The following GABPB2 variants were observed in gnomAD, a reference collection of about 807,000 sequenced individuals.
GABPB2 encodes the protein GA-binding protein subunit beta-2.
In GABPB2, 23 loss-of-function variants were observed where a neutral mutation model predicts 39.1. That is an observed-to-expected ratio of 0.59 (90% CI 0.42 to 0.83). GABPB2 has a LOEUF of 0.83. Ranked by LOEUF, GABPB2 falls within the 40% of genes least tolerant of loss-of-function variation. The pLI is 0.00. For synonymous variants in GABPB2, 184 were observed against 199.3 expected (o/e 0.92, Z 0.65); for missense variants, 467 against 541.1 (o/e 0.86, Z 1.36).
At chr1:151,073,979 C>A (rs961550856) in intron 1 of GABPB2, among the ~76,000 whole-genome samples, 2 of 129,050 alleles carry the variant, frequency 1.5e-5, no homozygotes, top group African/African-American at 5.7e-5. Context: ...ATGGTTATTT[C>A]TTTTTTTTTT....
chr1:151,100,116 T>C (rs2101526394), intron 5 of GABPB2, among the ~76,000 whole-genome samples: 2 of 152,256 alleles, frequency 1.3e-5, no homozygotes, highest in South Asian at 4.1e-4. Flanking sequence ...TGTATTCATA[T>C]TGGTTCAGTC....
intron 5 of GABPB2, among the ~76,000 whole-genome samples, chr1:151,100,178 T>C (rs1291899181): frequency 4.0e-5 from 6 of 149,472 alleles, no homozygotes; most frequent in African/African-American, 1.5e-4. Flanking sequence ...GGAGTCTCGC[T>C]CTGTCGCCCA....
At chr1:151,077,222 C>A (rs1406813315) in intron 1 of GABPB2, among the ~76,000 whole-genome samples, 1 of 152,096 alleles carries the variant, frequency 6.6e-6, no homozygotes, top group Non-Finnish European at 1.5e-5. Context: ...TGGCCTCATA[C>A]CTTGTCTAAA....
At chr1:151,086,905 A>G (rs773834711) in intron 1 of GABPB2, among the ~76,000 whole-genome samples, 8 of 151,958 alleles carry the variant, frequency 5.3e-5, no homozygotes, top group Non-Finnish European at 8.8e-5. Context: ...CCCAGACTGG[A>G]GTGCAGTGGT....
At chr1:151,079,286 A>T (rs1309626450) in intron 1 of GABPB2, among the ~76,000 whole-genome samples, 1 of 151,402 alleles carries the variant, frequency 6.6e-6, no homozygotes, top group African/African-American at 2.4e-5. Context: ...CACGCCTGTA[A>T]TCCCAGCACT....
At chr1:151,093,058 C>T in intron 3 of GABPB2, 134 bp from the exon 4 acceptor site, 2 of 608,650 alleles carry the variant, frequency 3.3e-6, no homozygotes, top group South Asian at 4.3e-5. Flanking sequence ...AATGTTTTTC[C>T]CTTTGATATT....
chr1:151,097,795 G>C, intron 4 of GABPB2, 57 bp from the exon 5 acceptor site: 1 of 1,490,054 alleles, frequency 6.7e-7, no homozygotes, highest in Non-Finnish European at 9.1e-7. Flanking sequence ...AAAAAAGAAA[G>C]ACAGAAAAGA....
intron 1 of GABPB2, among the ~76,000 whole-genome samples, chr1:151,083,030 A>G (rs140417433): frequency 0.01 from 1,567 of 152,088 alleles, 31 homozygotes; most frequent in African/African-American, 0.036. Context: ...TTGAAAACAC[A>G]TCAGTGAATT....
rs1303326128 is a variant in GABPB2 at position 151,088,288 on chromosome 1, C to T, written c.99C>T (p.Thr33=). ...RTLMANGAPF[T]TDWLGTSPLH... is the part of the protein sequence containing the mutation. Reference sequence around the variant, plus strand: ...TGATGGCAAATGGCGCCCCATTCACCACAGACTGGGTAAGCTTAGAGGAGA... The same window carrying T: ...TGATGGCAAATGGCGCCCCATTCACTACAGACTGGGTAAGCTTAGAGGAGA... Residue 33 remains threonine (T), a synonymous_variant, in exon 2 of 9, where the codon ACC becomes ACT. Coordinates refer to ENST00000368918, the MANE Select transcript of GABPB2 (RefSeq NM_144618.3). 40 of 1,611,926 alleles carry T rather than the reference C, an allele frequency of 2.5e-5. No individual in the cohort carries two copies. The South Asian group carries it at 4.1e-4, about 16-fold the overall frequency.
intron 5 of GABPB2, among the ~76,000 whole-genome samples, chr1:151,101,105 T>C (rs1355040322): frequency 6.7e-6 from 1 of 149,336 alleles, no homozygotes; most frequent in Non-Finnish European, 1.5e-5. Context: ...AAAAAAAAAT[T>C]AGCCAGGCAT....
intron 2 of GABPB2, among the ~76,000 whole-genome samples, chr1:151,090,064 T>C (rs1453182795): frequency 6.6e-6 from 1 of 151,928 alleles, no homozygotes; most frequent in Non-Finnish European, 1.5e-5. Flanking sequence ...CTCAGCCTCC[T>C]GAGTAGCTGG....
chr1:151,117,477 A>G lies in GABPB2; in HGVS notation c.1008A>G (p.Pro336=), dbSNP rs1329373700. ...AGAAGTTGCCACTAACAAAGAAACC[A>G]AGGATAGGAGAGAAGACAAACAGTG... The part of the protein sequence containing the change: ...EEEKLPLTKK[P]RIGEKTNSVE... The change falls in exon 8 of 9, where the codon CCA becomes CCG. Residue 336 remains proline (P), a synonymous_variant. Coordinates refer to ENST00000368918, the MANE Select transcript of GABPB2 (RefSeq NM_144618.3). 6.2e-7 allele frequency: 1 copy of G among 1,614,054 alleles called. No homozygotes were observed. Among genetic ancestry groups the G allele is most frequent in the Admixed American group, 1.7e-5 (1 of 60,020 alleles).
In GABPB2 at chr1:151,121,058, TAG is replaced by T. The variant is rs1181162578; in HGVS notation, c.*2804_*2805del. 1.3e-5 allele frequency: 2 copies of T among 152,282 alleles called. No homozygotes were observed. The highest frequency in any genetic ancestry group is 4.8e-5 in the African/African-American group (2 of 41,568). The allele number at this position is 152,282 out of a possible 1,614,324, so 9.4% of individuals were successfully genotyped here. A position where few individuals can be genotyped will look rare whatever the true frequency, so the allele number is the denominator to read the frequency against. On this transcript the variant is annotated 3_prime_UTR_variant, in exon 9 of 9. Transcript: ENST00000368918. ...GGCGTGAGCCACCCCGCGCACAGCC[TAG>T]ACTCTAATTTTATAAAACTTTGTTG... is the stretch of plus-strand genomic sequence containing the variant.
rs1024286972 is a variant in GABPB2 at position 151,112,667 on chromosome 1, C to T, written c.923-4725C>T. On this transcript the variant is annotated intron_variant, in intron 7 of 8. Transcript: ENST00000368918. ...ACTATGCTGGTTTGAGCAGACATGA[C>T]AAGAGCAAGAACCCTGGCCAAATTT... 3.6e-4 allele frequency: 73 copies of T among 201,474 alleles called. 1 individual carries two copies. The highest frequency in any genetic ancestry group is 1.7e-3 in the African/African-American group (72 of 43,178). 12.5% of individuals were successfully genotyped at this position (201,474 alleles called of 1,614,324 possible).
chr1:151,112,625 G>GC (rs1680541386), intron 7 of GABPB2: 1 of 163,038 alleles, frequency 6.1e-6, no homozygotes, highest in Non-Finnish European at 1.4e-5. Context: ...ACAGGTGTGA[G>GC]CCACCGCACC....
intron 1 of GABPB2, among the ~76,000 whole-genome samples, chr1:151,083,293 A>G (rs587747640): frequency 6.6e-6 from 1 of 152,344 alleles, no homozygotes; most frequent in African/African-American, 2.4e-5. Flanking sequence ...CCAAAATTCT[A>G]ATTTTTGCTT....
intron 7 of GABPB2, among the ~76,000 whole-genome samples, chr1:151,116,594 T>G (rs1680892821): frequency 6.6e-6 from 1 of 151,942 alleles, no homozygotes; most frequent in Admixed American, 6.6e-5. Context: ...ACAGATTATT[T>G]CTGCAGTTTT....
rs904601613 is a variant in GABPB2 at position 151,121,187 on chromosome 1, A to C, written c.*2931A>C. ...AGGGGGTCGGAGGTAAATGCTGATG[A>C]TGTTGTTTAGTTTTATTTCCTTTTG... On this transcript the variant is annotated 3_prime_UTR_variant, in exon 9 of 9. Coordinates refer to ENST00000368918, the MANE Select transcript of GABPB2 (RefSeq NM_144618.3). 7 of 152,080 alleles carry C rather than the reference A, an allele frequency of 4.6e-5. No homozygotes were observed. The highest frequency in any genetic ancestry group is 1.2e-4 in the African/African-American group (5 of 41,422). 9.4% of individuals were successfully genotyped at this position (152,080 alleles called of 1,614,324 possible).
intron 7 of GABPB2, among the ~76,000 whole-genome samples, chr1:151,108,790 G>A (rs925620481): frequency 5.9e-5 from 9 of 152,116 alleles, no homozygotes. Flanking sequence ...TAGTCTTGAT[G>A]TTTTTAATCA....
Sources: gnomAD v4.1 joint callset for allele counts (sites outside exome capture counted in the v4.1 genomes callset) on GRCh38, gnomAD v4.1.1 for gene constraint, MANE v1.5 for transcripts, NCBI Gene and HGNC (gene_info 2026-07-23, HGNC 2026-07-21) for gene names.